The following AFF2 variants were observed in gnomAD, a reference collection of about 807,000 sequenced individuals.
AFF2 encodes the protein AF4/FMR2 family member 2.
AFF2 carries 14 observed loss-of-function variants against 76.9 expected under a neutral mutation model. That is an observed-to-expected ratio of 0.18 (90% CI 0.12 to 0.28). The LOEUF (loss-of-function observed/expected upper bound fraction) is 0.28. Among genes scored for constraint, AFF2 ranks in the 10% least tolerant of loss-of-function variants. The probability of loss-of-function intolerance (pLI) is 1.00; values close to 1 mark genes in which losing one functional copy is unlikely to be tolerated. For missense variants in AFF2, 868 were observed against 1,001.1 expected (o/e 0.87, Z 1.79); for synonymous variants, 398 against 366.7 (o/e 1.09, Z -0.98).
intron 1 of AFF2, among the ~76,000 whole-genome samples, chrX:148,614,742 C>CTTTCCTTCT (rs1569552170): frequency 1.7e-3 from 45 of 26,905 alleles, no homozygotes; most frequent in African/African-American, 2.8e-3. Context: ...TCCTTCTTTT[C>CTTTCCTTCT]TTTCTTTCTT....
chrX:148,714,779 A>G (rs1221227387), intron 3 of AFF2, among the ~76,000 whole-genome samples: 1 of 111,752 alleles, frequency 8.9e-6, no homozygotes, highest in Admixed American at 9.5e-5. Flanking sequence ...AGCCAGATTG[A>G]CACATCAAAT....
chrX:148,654,597 C>T (rs2054232945), intron 2 of AFF2, among the ~76,000 whole-genome samples: 2 of 109,893 alleles, frequency 1.8e-5, no homozygotes, highest in African/African-American at 6.6e-5. Flanking sequence ...GTGGAAGATA[C>T]AGGAGAGAAA....
intron 1 of AFF2, among the ~76,000 whole-genome samples, chrX:148,525,063 A>G (rs1569550746): frequency 8.9e-6 from 1 of 112,419 alleles, no homozygotes; most frequent in Admixed American, 9.4e-5. Flanking sequence ...TCAGAATTCT[A>G]TTAGGAAAAA....
At chrX:148,906,408 C>G (rs2071407792) in intron 9 of AFF2, among the ~76,000 whole-genome samples, 1 of 111,574 alleles carries the variant, frequency 9.0e-6, no homozygotes, top group Admixed American at 9.5e-5. Flanking sequence ...ACAGGACTAG[C>G]TGGATTTCCC....
chrX:148,627,485 G>C (rs1482125308), intron 1 of AFF2, among the ~76,000 whole-genome samples: 1 of 111,808 alleles, frequency 8.9e-6, no homozygotes, highest in Non-Finnish European at 1.9e-5. Context: ...AGATGGGCAT[G>C]GGCCATATTG....
intron 1 of AFF2, among the ~76,000 whole-genome samples, chrX:148,647,175 T>A (rs2054152222): frequency 1.8e-5 from 2 of 111,975 alleles, no homozygotes; most frequent in African/African-American, 6.5e-5. Context: ...GTCCTTTGAG[T>A]GGATTAAATA....
At chrX:148,846,288 A>G (rs1331899586) in intron 7 of AFF2, among the ~76,000 whole-genome samples, 1 of 111,784 alleles carries the variant, frequency 8.9e-6, no homozygotes, top group Non-Finnish European at 1.9e-5. Flanking sequence ...AAGTTTGGAG[A>G]CCTAGGTTTA....
chrX:148,927,704 T>C (rs2071668873), intron 9 of AFF2, among the ~76,000 whole-genome samples: 1 of 112,296 alleles, frequency 8.9e-6, no homozygotes. Flanking sequence ...TCTACTGAGA[T>C]GTTGACTTCT....
At chrX:148,675,966 A>G (rs1021327546) in intron 3 of AFF2, among the ~76,000 whole-genome samples, 2 of 111,297 alleles carry the variant, frequency 1.8e-5, no homozygotes, top group Non-Finnish European at 3.8e-5. Context: ...ATACTGGAGG[A>G]AAGCATTTAG....
intron 7 of AFF2, among the ~76,000 whole-genome samples, chrX:148,871,824 G>A (rs782283982): frequency 9.8e-5 from 11 of 111,706 alleles, no homozygotes; most frequent in African/African-American, 3.6e-4. Flanking sequence ...TCCTGGAAAA[G>A]ACAAAGCTCT....
Position 148,899,211 on chromosome X carries a change from G to A in AFF2, c.1360-5010G>A, listed in dbSNP as rs184139963. Among the ~76,000 whole-genome samples, 9 of 112,096 alleles carry A rather than the reference G, an allele frequency of 8.0e-5. No individual in the cohort carries two copies. The Admixed American group carries it at 8.5e-4, about 11-fold the overall frequency. ...TGGGGTTTAGCCTACAGGATACATT[G>A]TCTTTTGCCATTTTACTCATTCCAG... On this transcript the variant is annotated intron_variant, in intron 8 of 20. Coordinates refer to ENST00000370460, the MANE Select transcript of AFF2 (RefSeq NM_002025.4).
intron 9 of AFF2, among the ~76,000 whole-genome samples, chrX:148,941,645 C>T (rs1471045641): frequency 3.6e-5 from 4 of 112,189 alleles, no homozygotes; most frequent in Non-Finnish European, 5.6e-5. Context: ...AATATCCATC[C>T]AGATACTTTG....
At chrX:148,766,282 T>A (rs1354229312) in intron 3 of AFF2, among the ~76,000 whole-genome samples, 3 of 109,854 alleles carry the variant, frequency 2.7e-5, no homozygotes, top group African/African-American at 1.0e-4. Flanking sequence ...ATCGCCACAC[T>A]GACTTCCACA....
chrX:148,958,496 A>C, intron 12 of AFF2, 38 bp downstream of exon 12: 1 of 1,190,486 alleles, frequency 8.4e-7, no homozygotes, highest in Non-Finnish European at 1.1e-6. Flanking sequence ...GCTTGGTATG[A>C]TTGTTCAGAC....
intron 1 of AFF2, among the ~76,000 whole-genome samples, chrX:148,605,190 C>T (rs1188942653): frequency 8.9e-6 from 1 of 111,872 alleles, no homozygotes; most frequent in African/African-American, 3.2e-5. Flanking sequence ...GATGATTTCA[C>T]AGTTCCAAAA....
intron 3 of AFF2, among the ~76,000 whole-genome samples, chrX:148,679,235 C>A (rs1451038871): frequency 1.9e-5 from 2 of 102,790 alleles, no homozygotes; most frequent in African/African-American, 3.6e-5. Context: ...TAGATGACTG[C>A]TAAGAAAAGA....
chrX:148,512,677 A>G (rs956462755), intron 1 of AFF2, among the ~76,000 whole-genome samples: 1 of 112,406 alleles, frequency 8.9e-6, no homozygotes, highest in Non-Finnish European at 1.9e-5. Context: ...TTAAAATTAC[A>G]TAAAGTAGGG....
chrX:148,580,454 G>A (rs1015353835), intron 1 of AFF2, among the ~76,000 whole-genome samples: 5 of 111,220 alleles, frequency 4.5e-5, no homozygotes, highest in Non-Finnish European at 9.4e-5. Context: ...CTCTTAGCAC[G>A]GTAGCTAAGC....
chrX:148,529,096 A>G (rs184791444), intron 1 of AFF2, among the ~76,000 whole-genome samples: 3 of 112,413 alleles, frequency 2.7e-5, no homozygotes, highest in East Asian at 5.6e-4. Flanking sequence ...CATCAATCAT[A>G]AAGATTTATA....
Sources: allele counts gnomAD v4.1 joint callset (sites outside exome capture counted in the v4.1 genomes callset), GRCh38; gene constraint gnomAD v4.1.1; transcripts MANE v1.5; gene names NCBI Gene and HGNC (gene_info 2026-07-23, HGNC 2026-07-21).